The following ZNF226 variants were observed in gnomAD, a reference collection of about 807,000 sequenced individuals.
ZNF226 encodes zinc finger protein 226.
In ZNF226, 6 loss-of-function variants were observed where a neutral mutation model predicts 11.4. The ratio of observed to expected loss-of-function variants is 0.53; its 90% CI spans 0.29 to 1.04. The LOEUF is 1.04. ZNF226 is among the 50% of genes least tolerant of loss of function. The pLI is 0.08. For synonymous variants in ZNF226, 350 were observed against 322.8 expected (o/e 1.08, Z -0.90); for missense variants, 1,058 against 956.5 (o/e 1.11, Z -1.40).
chr19:44,175,932 T>C lies in ZNF226; in HGVS notation c.670T>C (p.Tyr224His). The C allele has an allele frequency of 1.2e-6, 2 of 1,612,986 alleles. No homozygotes were observed. The highest frequency in any genetic ancestry group is 1.7e-6 in the Non-Finnish European group (2 of 1,179,660). The change falls in exon 6 of 6, where the codon TAT becomes CAT. Residue 224 changes from tyrosine to histidine, a missense_variant. Transcript: ENST00000337433. ...GHRVHKSEKS[Y>H]RPNDYEKDNM... Reference sequence around the variant, plus strand: ...TAGAGTACACAAAAGTGAAAAATCTTATAGACCCAATGATTATGAAAAAGA... The same window carrying C: ...TAGAGTACACAAAAGTGAAAAATCTCATAGACCCAATGATTATGAAAAAGA...
the ZNF226 span, among the ~76,000 whole-genome samples, chr19:44,192,842 A>G: frequency 4.6e-5 from 7 of 152,206 alleles, no homozygotes; most frequent in Non-Finnish European, 1.0e-4. Flanking sequence ...AAATACATCA[A>G]GAAAACCTTG....
intron 3 of ZNF226, 103 bp downstream of exon 3, chr19:44,170,198 C>G (rs1202637412): frequency 1.5e-5 from 18 of 1,188,998 alleles, no homozygotes; most frequent in Non-Finnish European, 2.2e-5. Flanking sequence ...CATCTGATGA[C>G]CTGTTGAGTG....
the ZNF226 span, among the ~76,000 whole-genome samples, chr19:44,193,134 GT>G: frequency 6.6e-6 from 1 of 151,922 alleles, no homozygotes; most frequent in Admixed American, 6.6e-5. Context: ...TAAAAGTTGG[GT>G]TTATTACTAT....
chr19:44,176,060 C>T lies in ZNF226; in HGVS notation c.798C>T (p.Ser266=). Residue 266 remains serine (S), a synonymous_variant, in exon 6 of 6, where the codon AGC becomes AGT. Coordinates refer to ENST00000337433, the MANE Select transcript of ZNF226 (RefSeq NM_001032373.2). Reference sequence around the variant, plus strand: ...AAAAACCCTTCAGTGATCTCTCCAGCTTTGATCTTCATCAGCAGTTACAAT... The same window carrying T: ...AAAAACCCTTCAGTGATCTCTCCAGTTTTGATCTTCATCAGCAGTTACAAT... ...ECKKPFSDLS[S]FDLHQQLQSG... 6.2e-7 allele frequency: 1 copy of T among 1,614,146 alleles called. No homozygotes were observed. The highest frequency in any genetic ancestry group is 8.5e-7 in the Non-Finnish European group (1 of 1,180,004).
downstream of ZNF226, among the ~76,000 whole-genome samples, chr19:44,181,871 C>T (rs1407997714): frequency 6.6e-6 from 1 of 152,142 alleles, no homozygotes; most frequent in Non-Finnish European, 1.5e-5. Context: ...AATAATGAAA[C>T]TCGGGTCTTC....
the ZNF226 span, among the ~76,000 whole-genome samples, chr19:44,187,403 T>A: frequency 6.6e-6 from 1 of 151,926 alleles, no homozygotes; most frequent in Non-Finnish European, 1.5e-5. The surrounding 1 kb of genome is among the most constrained non-coding windows in gnomAD (Gnocchi z 4.0). Flanking sequence ...AATCTGTTGG[T>A]GTATTCTTCT....
At position 44,176,437 on chromosome 19, in the gene ZNF226, A is replaced by G. The variant is rs540717109; in HGVS notation, c.1175A>G (p.Lys392Arg). The G allele has an allele frequency of 8.3e-5, 134 of 1,614,118 alleles. No individual in the cohort carries two copies. In the South Asian group the frequency reaches 1.4e-3, roughly 16 times the overall value. ...QRLHTGEKPF[K>R]CDACGKSFSR... is the part of the protein sequence containing the mutation. ...CTCCACACTGGGGAGAAGCCATTCA[A>G]ATGTGATGCATGTGGTAAGAGCTTC... The change falls in exon 6 of 6, where the codon AAA (lysine) becomes AGA (arginine). Residue 392 changes from lysine to arginine, a missense_variant. By Grantham distance (26) the Lys-to-Arg change is conservative. Transcript: ENST00000337433.
At chr19:44,198,475 A>G in the ZNF226 span, among the ~76,000 whole-genome samples, 13 of 152,266 alleles carry the variant, frequency 8.5e-5, no homozygotes, top group East Asian at 1.9e-4. Flanking sequence ...AGAAAAATGT[A>G]TATGTCATAT....
downstream of ZNF226, among the ~76,000 whole-genome samples, chr19:44,180,101 A>C (rs1411052490): frequency 2.0e-5 from 3 of 150,722 alleles, no homozygotes; most frequent in Non-Finnish European, 4.4e-5. Context: ...AAAAAAAAAA[A>C]AAAAAAAAAA....
chr19:44,198,822 T>C, the ZNF226 span, among the ~76,000 whole-genome samples: 1 of 152,190 alleles, frequency 6.6e-6, no homozygotes, highest in African/African-American at 2.4e-5. Flanking sequence ...TTCTTTTTTT[T>C]GAAATTTAGT....
chr19:44,179,814 T>TAGAG (rs769765837), downstream of ZNF226, among the ~76,000 whole-genome samples: 348 of 152,104 alleles, frequency 2.3e-3, 3 homozygotes, highest in Middle Eastern at 0.01. Flanking sequence ...CAGGTGCGGT[T>TAGAG]GCTCGTGCCT....
the ZNF226 span, among the ~76,000 whole-genome samples, chr19:44,191,539 A>G: frequency 6.6e-6 from 1 of 152,198 alleles, no homozygotes; most frequent in African/African-American, 2.4e-5. Flanking sequence ...CTACAAGATG[A>G]TACCTCCTTT....
At position 44,176,941 on chromosome 19, in the gene ZNF226, A is replaced by G; in HGVS notation, c.1679A>G (p.Lys560Arg). 1 of 1,613,866 alleles carries G rather than the reference A, an allele frequency of 6.2e-7. No homozygotes were observed. Among genetic ancestry groups the G allele is most frequent in the African/African-American group, 1.3e-5 (1 of 74,986 alleles). Residue 560 changes from lysine (K) to arginine (R), a missense_variant, in exon 6 of 6, where the codon AAG (lysine) becomes AGG (arginine). Physicochemically the swap from Lys to Arg is conservative, Grantham distance 26 (BLOSUM62 2). Coordinates refer to ENST00000337433, the MANE Select transcript of ZNF226 (RefSeq NM_001032373.2). The part of the protein sequence containing the change: ...QKAHSIEKPF[K>R]CEECGQGFNQ... ...GCCCACAGTATAGAGAAACCTTTTA[A>G]GTGTGAGGAGTGTGGGCAGGGTTTC...
At position 44,176,641 on chromosome 19, in the gene ZNF226, C is replaced by T. The variant is rs763501359; in HGVS notation, c.1379C>T (p.Ser460Leu). The T allele has an allele frequency of 9.9e-6, 16 of 1,614,086 alleles. No homozygotes were observed. In the East Asian group the frequency reaches 3.6e-4, roughly 36 times the overall value. ...TGTGGTAAAGGCTTTAGTCGGCCTT[C>T]AAGTCTTCAGGCCCATCAGGGAGTT... is the stretch of plus-strand genomic sequence containing the variant. The part of the protein sequence containing the change: ...EECGKGFSRP[S>L]SLQAHQGVHT... Residue 460 changes from serine to leucine, a missense_variant, in exon 6 of 6, where the codon TCA (serine) becomes TTA (leucine). By Grantham distance (145) the Ser-to-Leu change is moderately radical. Coordinates refer to ENST00000337433, the MANE Select transcript of ZNF226 (RefSeq NM_001032373.2).
chr19:44,179,339 A>C (rs747417518), downstream of ZNF226, among the ~76,000 whole-genome samples: 2 of 152,206 alleles, frequency 1.3e-5, no homozygotes, highest in Non-Finnish European at 1.5e-5. Flanking sequence ...CATCGGTTTT[A>C]TAGTAAAATA....
the ZNF226 span, among the ~76,000 whole-genome samples, chr19:44,185,646 A>G: frequency 6.6e-6 from 1 of 152,084 alleles, no homozygotes; most frequent in African/African-American, 2.4e-5. Context: ...AGTTTCTTAT[A>G]TAATCTGGAT....
chr19:44,181,428 TCCC>T, downstream of ZNF226, among the ~76,000 whole-genome samples: 1 of 151,836 alleles, frequency 6.6e-6, no homozygotes, highest in Middle Eastern at 3.4e-3. Flanking sequence ...GGACTCAACT[TCCC>T]TATTTTGAGC....
chr19:44,174,644 C>CTGT (rs1229328129), intron 5 of ZNF226: 35 of 177,850 alleles, frequency 2.0e-4, no homozygotes, highest in Middle Eastern at 2.3e-3. Flanking sequence ...TTTTTTTTTC[C>CTGT]TAAATATCAC....
At chr19:44,177,789 T>C, downstream of ZNF226, 4 of 1,202,714 alleles carry the variant, frequency 3.3e-6, no homozygotes, top group Non-Finnish European at 3.4e-6. Context: ...ACAATCTTTA[T>C]GATTAGCATA....
Sources: allele counts gnomAD v4.1 joint callset (sites outside exome capture counted in the v4.1 genomes callset), GRCh38; gene constraint gnomAD v4.1.1; non-coding constraint Gnocchi (gnomAD v3.1); transcripts MANE v1.5; gene names NCBI Gene and HGNC (gene_info 2026-07-23, HGNC 2026-07-21).